VNN1: variants seen among roughly 807,000 people sequenced by gnomAD.
The protein encoded by VNN1 is pantetheinase.
VNN1 carries 29 observed loss-of-function variants against 41.9 expected under a neutral mutation model. The ratio of observed to expected loss-of-function variants is 0.69; its 90% CI spans 0.52 to 0.94. The LOEUF (loss-of-function observed/expected upper bound fraction) is 0.94, where lower values mean the gene tolerates loss of function less well. Among genes scored for constraint, VNN1 ranks in the 40% least tolerant of loss-of-function variants. The pLI is 0.00. For missense variants in VNN1, 637 were observed against 621.1 expected, an observed-to-expected ratio of 1.03 and a Z score of -0.27; for synonymous variants, 233 against 224.4, an observed-to-expected ratio of 1.04 and a Z score of -0.34.
At chr6:132,704,791 T>C (rs1778496033) in intron 2 of VNN1, among the ~76,000 whole-genome samples, 1 of 151,694 alleles carries the variant, frequency 6.6e-6, no homozygotes. Flanking sequence ...AATTGACTTT[T>C]AGTGAGACTA....
Position 132,713,961 on chromosome 6 carries a change from G to C in VNN1, c.75C>G (p.Phe25Leu). 1 of 1,614,178 alleles carries C rather than the reference G, an allele frequency of 6.2e-7. No homozygotes were observed. The highest frequency in any genetic ancestry group is 1.3e-5 in the African/African-American group (1 of 75,044). Reference protein sequence around the residue: ...YVSRASCQDTFTAAVYEHAAI... With the variant: ...YVSRASCQDTLTAAVYEHAAI... ...CTGCATGCTCATAAACAGCTGCAGT[G>C]AAAGTGTCCTGGCAGCTGGCTCTTG... Residue 25 changes from phenylalanine to leucine, a missense_variant, in exon 1 of 7, where the codon TTC (phenylalanine) becomes TTG (leucine). Phe to Leu is a conservative substitution (Grantham distance 22). Coordinates refer to ENST00000367928, the MANE Select transcript of VNN1 (RefSeq NM_004666.3).
chr6:132,692,653 C>T, intron 4 of VNN1, 69 bp from the exon 5 acceptor site: 2 of 1,484,548 alleles, frequency 1.3e-6, no homozygotes, highest in East Asian at 2.3e-5. Context: ...ATTGTTATTA[C>T]TATTTTAACC....
In VNN1 at chr6:132,681,011, T is replaced by C. The variant is rs756755473; in HGVS notation, c.*2129A>G. On this transcript the variant is annotated 3_prime_UTR_variant, in exon 7 of 7. Coordinates refer to ENST00000367928, the MANE Select transcript of VNN1 (RefSeq NM_004666.3). ...ATTTTTTAAATTACATTGCAATATATACAGATATAAATATAAATACATATA... is the reference window on the plus strand; with the variant it reads ...ATTTTTTAAATTACATTGCAATATACACAGATATAAATATAAATACATATA... Among the ~76,000 whole-genome samples, 1 of 152,078 alleles carries C rather than the reference T, an allele frequency of 6.6e-6. No individual in the cohort carries two copies. The highest frequency in any genetic ancestry group is 2.4e-5 in the African/African-American group (1 of 41,400).
At position 132,692,436 on chromosome 6, in the gene VNN1, C is replaced by T. The variant is rs780073238; in HGVS notation, c.975G>A (p.Ala325=). 60 of 1,613,968 alleles carry T rather than the reference C, an allele frequency of 3.7e-5. No individual in the cohort carries two copies. Among genetic ancestry groups the T allele is most frequent in the Middle Eastern group, 1.6e-4 (1 of 6,084 alleles). Residue 325 remains alanine (A), a synonymous_variant, in exon 5 of 7, where the codon GCG becomes GCA. Transcript: ENST00000367928. ...NWTSYASSIE[A]LSSGNKEFKG... ...TAAATTCCTTGTTTCCTGATGAGAG[C>T]GCTTCTATACTGCTGGCATAGGAAG...
intron 5 of VNN1, among the ~76,000 whole-genome samples, chr6:132,684,707 C>T (rs1208109361): frequency 4.6e-5 from 7 of 151,154 alleles, no homozygotes; most frequent in African/African-American, 1.7e-4. Context: ...ATTAAATAAA[C>T]TGCTAGATGC....
rs528324267 is a variant in VNN1 at position 132,687,803 on chromosome 6, G to A, written c.1189-3298C>T. On this transcript the variant is annotated intron_variant, in intron 5 of 6. Transcript: ENST00000367928. The stretch of plus-strand genomic sequence containing the variant: ...TCTGAGATGCTGTTGGAAGATATGG[G>A]GTTTTAACAAAAAGTCAAAGAAAAT... Among the ~76,000 whole-genome samples the A allele has an allele frequency of 2.0e-5, 3 of 151,908 alleles. 1 individual carries two copies. Among genetic ancestry groups the A allele is most frequent in the African/African-American group, 7.2e-5 (3 of 41,426 alleles).
Position 132,697,308 on chromosome 6 carries a change from G to A in VNN1, c.342-3126C>T, listed in dbSNP as rs569675199. Among the ~76,000 whole-genome samples the A allele has an allele frequency of 4.1e-4, 62 of 152,098 alleles. 1 individual carries two copies. Among genetic ancestry groups the A allele is most frequent in the African/African-American group, 9.9e-4 (41 of 41,498 alleles). On this transcript the variant is annotated intron_variant, in intron 2 of 6. Transcript: ENST00000367928. ...TTCTTCATAAAGATAAATAGAACAC[G>A]GAGTGTAGAATGTACTGGAACAGTG...
intron 1 of VNN1, among the ~76,000 whole-genome samples, chr6:132,712,155 T>C (rs1415097745): frequency 2.7e-5 from 4 of 146,978 alleles, no homozygotes; most frequent in African/African-American, 5.0e-5. Context: ...TTTTCTCTCT[T>C]TTTTTTTTTT....
rs758774355 is a variant in VNN1, at chr6:132,694,010, G to A, written c.514C>T (p.Leu172=). The A allele has an allele frequency of 6.2e-7, 1 of 1,614,162 alleles. No individual in the cohort carries two copies. The change falls in exon 3 of 7, where the codon CTG becomes TTG. Residue 172 remains leucine, a synonymous_variant. Transcript: ENST00000367928. ...TTTACCTTATGGTAGCGTGCCACCAGTTTTCCTTGAGAATCAAATACCACA... is the reference window on the plus strand; with the variant it reads ...TTTACCTTATGGTAGCGTGCCACCAATTTTCCTTGAGAATCAAATACCACA... The part of the protein sequence containing the change: ...TDVVFDSQGK[L]VARYHKQNLF...
chr6:132,689,602 G>A (rs937660065), intron 5 of VNN1, among the ~76,000 whole-genome samples: 19 of 151,938 alleles, frequency 1.3e-4, no homozygotes, highest in Admixed American at 6.6e-4. Flanking sequence ...TTTCTTAATT[G>A]TATTTGCAGG....
intron 2 of VNN1, among the ~76,000 whole-genome samples, chr6:132,708,014 T>C (rs933297170): frequency 3.9e-5 from 6 of 152,238 alleles, no homozygotes; most frequent in Non-Finnish European, 8.8e-5. Context: ...TACCATTGCA[T>C]GCTTGTGTAC....
At chr6:132,698,439 G>T (rs1345763601) in intron 2 of VNN1, among the ~76,000 whole-genome samples, 4 of 152,208 alleles carry the variant, frequency 2.6e-5, no homozygotes, top group African/African-American at 9.6e-5. Context: ...AGCTGTCCAA[G>T]CATACAATGT....
At chr6:132,694,282 G>A in intron 2 of VNN1, 100 bp from the exon 3 acceptor site, 1 of 1,153,040 alleles carries the variant, frequency 8.7e-7, no homozygotes, top group Non-Finnish European at 1.2e-6. Flanking sequence ...TTTGATATAT[G>A]CAAAAGTAAA....
In VNN1 at chr6:132,682,327, G is replaced by C; in HGVS notation, c.*813C>G. ...AGTGGTGGGGAGAGGAACAGGAATG[G>C]GTCTTTGATTCATTTGCCAGGGCTG... On this transcript the variant is annotated 3_prime_UTR_variant, in exon 7 of 7. Transcript: ENST00000367928. The C allele has an allele frequency of 6.6e-6, 1 of 152,198 alleles. No individual in the cohort carries two copies. Among genetic ancestry groups the C allele is most frequent in the East Asian group, 1.9e-4 (1 of 5,196 alleles). The allele number at this position is 152,198 out of a possible 1,614,324, so 9.4% of individuals were successfully genotyped here.
intron 5 of VNN1, among the ~76,000 whole-genome samples, chr6:132,690,138 G>T (rs917609186): frequency 6.6e-6 from 1 of 152,144 alleles, no homozygotes; most frequent in African/African-American, 2.4e-5. Flanking sequence ...CTAGTCTTTT[G>T]GGTCTTTGCT....
intron 2 of VNN1, among the ~76,000 whole-genome samples, chr6:132,697,655 T>C (rs1778392518): frequency 6.6e-6 from 1 of 151,486 alleles, no homozygotes; most frequent in South Asian, 2.1e-4. Context: ...TGACATCAAA[T>C]ATTGGCTACT....
chr6:132,681,049 G>A lies in VNN1; in HGVS notation c.*2091C>T, dbSNP rs759040392. On this transcript the variant is annotated 3_prime_UTR_variant, in exon 7 of 7. Transcript: ENST00000367928. ...ATAAATACATATATTCACTATGATAGCATCCAAAATGGCCCCCATGAAGCC... is the reference window on the plus strand; with the variant it reads ...ATAAATACATATATTCACTATGATAACATCCAAAATGGCCCCCATGAAGCC... 6.6e-6 allele frequency among the ~76,000 whole-genome samples: 1 copy of A among 151,952 alleles called. No homozygotes were observed. Among genetic ancestry groups the A allele is most frequent in the Non-Finnish European group, 1.5e-5 (1 of 67,996 alleles).
chr6:132,702,802 C>G (rs1421216400), intron 2 of VNN1, among the ~76,000 whole-genome samples: 1 of 152,120 alleles, frequency 6.6e-6, no homozygotes, highest in African/African-American at 2.4e-5. Flanking sequence ...ATGGAAGGAC[C>G]CAGTCCTGGC....
chr6:132,711,865 A>G, intron 1 of VNN1, 26 bp from the exon 2 acceptor site: 1 of 1,610,840 alleles, frequency 6.2e-7, no homozygotes, highest in East Asian at 2.2e-5. Flanking sequence ...CTTAATCCAA[A>G]GGGGGGCCTG....
Sources: gnomAD v4.1 joint callset for allele counts (sites outside exome capture counted in the v4.1 genomes callset) on GRCh38, gnomAD v4.1.1 for gene constraint, MANE v1.5 for transcripts, NCBI Gene and HGNC (gene_info 2026-07-23, HGNC 2026-07-21) for gene names.